The following POLQ variants were observed in gnomAD, a reference collection of about 807,000 sequenced individuals.
POLQ encodes epididymis secretory sperm binding protein.
POLQ carries 233 observed loss-of-function variants against 259.2 expected under a neutral mutation model. The ratio of observed to expected loss-of-function variants is 0.90; its 90% confidence interval spans 0.81 to 1.00. The LOEUF (loss-of-function observed/expected upper bound fraction) is 1.00. Among genes scored for constraint, POLQ ranks in the 50% least tolerant of loss-of-function variants. The pLI, the probability that POLQ is intolerant of heterozygous loss-of-function variation, is 0.00. For missense variants in POLQ, 2,871 were observed against 3,051.6 expected (o/e 0.94, Z 1.39); for synonymous variants, 1,025 against 1,048.8 (o/e 0.98, Z 0.44).
chr3:121,507,145 G>A (rs2048214775), intron 12 of POLQ, among the ~76,000 whole-genome samples: 1 of 152,262 alleles, frequency 6.6e-6, no homozygotes, highest in Non-Finnish European at 1.5e-5. Flanking sequence ...TGGAAGGGAT[G>A]GATATAGGAG....
chr3:121,490,140 A>G lies in POLQ; in HGVS notation c.2791T>C (p.Tyr931His). 1 of 1,609,244 alleles carries G rather than the reference A, an allele frequency of 6.2e-7. No individual in the cohort carries two copies. The highest frequency in any genetic ancestry group is 8.5e-7 in the Non-Finnish European group (1 of 1,176,968). The change falls in exon 16 of 30, where the codon TAT becomes CAT. Residue 931 changes from tyrosine (Y) to histidine (H), a missense_variant. Physicochemically the swap from Tyr to His is moderately conservative, Grantham distance 83. Transcript: ENST00000264233. ...HTFISQTKSS[Y>H]KKLTSKNKSN... ...TTGTTCTTTGATGTTAATTTTTTATAAGAACTCTTAGTTTGGGATATAAAT... is the reference window on the plus strand; with the variant it reads ...TTGTTCTTTGATGTTAATTTTTTATGAGAACTCTTAGTTTGGGATATAAAT...
At position 121,494,286 on chromosome 3, in the gene POLQ, A is replaced by G. The variant is rs138021260; in HGVS notation, c.2279-565T>C. ...ACCCGCTTTGTGAAACGGCCCCGCT[A>G]TATCAGGTTGCAGCGGCAGAGAGCC... On this transcript the variant is annotated intron_variant, in intron 14 of 29. Coordinates refer to ENST00000264233, the MANE Select transcript of POLQ (RefSeq NM_199420.4). The G allele has an allele frequency of 3.4e-5, 55 of 1,595,640 alleles. 1 individual carries two copies. In the African/African-American group the frequency reaches 5.5e-4, roughly 16 times the overall value.
intron 19 of POLQ, among the ~76,000 whole-genome samples, chr3:121,481,368 A>G (rs1385596664): frequency 1.3e-5 from 2 of 152,248 alleles, no homozygotes; most frequent in Non-Finnish European, 2.9e-5. Flanking sequence ...TTTTGCTACA[A>G]TGGCAGAGTT....
chr3:121,540,178 G>A (rs1321115004), intron 3 of POLQ, among the ~76,000 whole-genome samples: 1 of 151,918 alleles, frequency 6.6e-6, no homozygotes, highest in Non-Finnish European at 1.5e-5. Flanking sequence ...AGCTTTGTTG[G>A]CTACTGTGCC....
intron 10 of POLQ, among the ~76,000 whole-genome samples, chr3:121,510,454 G>A (rs753651654): frequency 2.0e-5 from 3 of 152,016 alleles, no homozygotes; most frequent in Admixed American, 6.6e-5. Flanking sequence ...GCAGGCGCCT[G>A]TAGTCCCAGC....
rs1166629681 is a variant in POLQ, at chr3:121,487,631, T to A, written c.5300A>T (p.Gln1767Leu). 1 of 1,613,860 alleles carries A rather than the reference T, an allele frequency of 6.2e-7. No homozygotes were observed. The highest frequency in any genetic ancestry group is 8.5e-7 in the Non-Finnish European group (1 of 1,179,928). The change falls in exon 16 of 30, where the codon CAA becomes CTA. Residue 1767 changes from glutamine (Q) to leucine (L), a missense_variant. Coordinates refer to ENST00000264233, the MANE Select transcript of POLQ (RefSeq NM_199420.4). ...GCCAAATAAATAACTTTCACCAGGT[T>A]GTAAAACATTATTAGTTTTCCAAGG... ...VNPWKTNNVL[Q>L]PGESYLFGSP...
chr3:121,439,445 C>T (rs1430999739), intron 27 of POLQ, among the ~76,000 whole-genome samples: 1 of 152,074 alleles, frequency 6.6e-6, no homozygotes, highest in Non-Finnish European at 1.5e-5. Flanking sequence ...GTTGCCCAAG[C>T]TGGTCTCAAA....
At chr3:121,535,127 G>C (rs907638750) in intron 5 of POLQ, among the ~76,000 whole-genome samples, 1 of 152,100 alleles carries the variant, frequency 6.6e-6, no homozygotes, top group Non-Finnish European at 1.5e-5. Flanking sequence ...TTATCTGCTT[G>C]TTCTATCACA....
At position 121,452,999 on chromosome 3, in the gene POLQ, C is replaced by T. The variant is rs945006540; in HGVS notation, c.7153-3573G>A. The stretch of plus-strand genomic sequence containing the variant: ...ACTGGGAGGCACCCCCCAGTAGGGG[C>T]AGACTGACACCTCACACGGCTGGGT... On this transcript the variant is annotated intron_variant, in intron 25 of 29. Transcript: ENST00000264233. Among the ~76,000 whole-genome samples the T allele has an allele frequency of 3.3e-5, 5 of 152,224 alleles. No individual in the cohort carries two copies. In the South Asian group the frequency reaches 8.3e-4, roughly 25 times the overall value.
rs181419263 is a variant in POLQ at position 121,462,204 on chromosome 3, G to A, written c.6968-1970C>T. On this transcript the variant is annotated intron_variant, in intron 24 of 29. Coordinates refer to ENST00000264233, the MANE Select transcript of POLQ (RefSeq NM_199420.4). ...CACAAGGGATACTCAAACTGTAAAT[G>A]GCCACAACTTTGGTGGACTTCCTAC... Among the ~76,000 whole-genome samples, 372 of 152,158 alleles carry A rather than the reference G, an allele frequency of 2.4e-3. 4 individuals are homozygous for A. In the Middle Eastern group the frequency reaches 0.031, roughly 13 times the overall value.
At chr3:121,513,801 C>T (rs947342494) in intron 9 of POLQ, among the ~76,000 whole-genome samples, 14 of 151,190 alleles carry the variant, frequency 9.3e-5, no homozygotes, top group Admixed American at 3.3e-4. Context: ...AGGAGTGTGG[C>T]TCACTTAGGT....
intron 19 of POLQ, among the ~76,000 whole-genome samples, chr3:121,479,153 C>A (rs935138671): frequency 7.9e-5 from 12 of 151,938 alleles, no homozygotes; most frequent in African/African-American, 2.2e-4. Context: ...GAATTAAAAA[C>A]CATTCTTCTA....
chr3:121,534,516 GTT>G (rs1197550517), intron 5 of POLQ, among the ~76,000 whole-genome samples: 4 of 151,986 alleles, frequency 2.6e-5, no homozygotes, highest in Admixed American at 2.6e-4. Context: ...TAGAGACAGG[GTT>G]TTGCCATGTT....
rs115526718 is a variant in POLQ, at chr3:121,530,622, T to C, written c.961-830A>G. Among the ~76,000 whole-genome samples the C allele has an allele frequency of 4.1e-3, 627 of 152,220 alleles. 4 individuals carry two copies. The highest frequency in any genetic ancestry group is 0.014 in the Middle Eastern group (4 of 294). On this transcript the variant is annotated intron_variant, in intron 6 of 29. Transcript: ENST00000264233. ...GCTGAGATGTGAAGGTGGGGAAACA[T>C]TATCTCAAAGAAAGGCAACACATTT...
At chr3:121,536,033 G>A (rs1262804392) in intron 5 of POLQ, among the ~76,000 whole-genome samples, 3 of 152,074 alleles carry the variant, frequency 2.0e-5, no homozygotes, top group Admixed American at 1.3e-4. Flanking sequence ...CTGGGGAGGA[G>A]GCTAGGGATA....
rs866397685 is a variant in POLQ, at chr3:121,466,379, A to G, written c.6967+1140T>C. 3.2e-4 allele frequency among the ~76,000 whole-genome samples: 46 copies of G among 145,796 alleles called. 1 individual carries two copies. The highest frequency in any genetic ancestry group is 6.3e-4 in the African/African-American group (25 of 39,884). On this transcript the variant is annotated intron_variant, in intron 24 of 29. Coordinates refer to ENST00000264233, the MANE Select transcript of POLQ (RefSeq NM_199420.4). ...ACTCCGTCTCAAAAAAAAAAAAAAAAAAAGAAAGAAAGAAATTACCATACA... is the reference window on the plus strand; with the variant it reads ...ACTCCGTCTCAAAAAAAAAAAAAAAGAAAGAAAGAAAGAAATTACCATACA...
intron 21 of POLQ, 39 bp from the exon 22 acceptor site, chr3:121,472,203 A>C: frequency 1.1e-6 from 1 of 946,752 alleles, no homozygotes; most frequent in Non-Finnish European, 1.5e-6. Flanking sequence ...ATTCTTGTCC[A>C]AATTCCACAG....
chr3:121,473,727 CTT>C (rs10636473), intron 20 of POLQ, among the ~76,000 whole-genome samples: 19 of 114,236 alleles, frequency 1.7e-4, no homozygotes, highest in East Asian at 1.4e-3. Flanking sequence ...AACACAAGGC[CTT>C]TTTTTTTTTT....
chr3:121,493,544 G>A lies in POLQ; in HGVS notation c.2456C>T (p.Ala819Val). ...VLYASGFHTV[A>V]DLARANIVEV... is the part of the protein sequence containing the mutation. The stretch of plus-strand genomic sequence containing the variant: ...CACAATATTTGCTCTAGCAAGGTCT[G>A]CCACAGTATGAAAGCCAGAAGCATA... The change falls in exon 15 of 30, where the codon GCA becomes GTA. Residue 819 changes from alanine (A) to valine (V), a missense_variant. Ala to Val is a moderately conservative substitution (Grantham distance 64). Transcript: ENST00000264233. 1 of 1,613,686 alleles carries A rather than the reference G, an allele frequency of 6.2e-7. No homozygotes were observed. Among genetic ancestry groups the A allele is most frequent in the South Asian group, 1.1e-5 (1 of 91,078 alleles).
Sources: gnomAD v4.1 joint callset for allele counts (sites outside exome capture counted in the v4.1 genomes callset) on GRCh38, gnomAD v4.1.1 for gene constraint, MANE v1.5 for transcripts, NCBI Gene and HGNC (gene_info 2026-07-23, HGNC 2026-07-21) for gene names.